Variants in HYPK observed in about 807,000 individuals in gnomAD.
HYPK encodes the protein huntingtin-interacting protein K.
In HYPK, 9 loss-of-function variants were observed where a neutral mutation model predicts 13.9. That is an observed-to-expected ratio of 0.65 (90% CI 0.39 to 1.13). The LOEUF (loss-of-function observed/expected upper bound fraction) is 1.13, where lower values mean the gene tolerates loss of function less well. Among genes scored for constraint, HYPK ranks in the 50% most tolerant of loss-of-function variants. The pLI is 0.01. For synonymous variants in HYPK, 76 were observed against 57.0 expected (o/e 1.33, Z -1.50); for missense variants, 138 against 157.6 (o/e 0.88, Z 0.67).
In HYPK at chr15:43,800,745, T is replaced by C. The variant is rs533828601; in HGVS notation, c.123T>C (p.Tyr41=). 2.1e-5 allele frequency: 34 copies of C among 1,613,752 alleles called. No individual in the cohort carries two copies. The South Asian group carries it at 3.6e-4, about 17-fold the overall frequency. Residue 41 remains tyrosine (Y), a synonymous_variant, in exon 1 of 4, where the codon TAT becomes TAC. Coordinates refer to ENST00000442995, the MANE Select transcript of HYPK (RefSeq NM_016400.4). ...GAADLERVTD[Y]AEEKEIQSSN... ...CGGACTTGGAGCGGGTCACCGACTA[T>C]GCAGAGGAGAAGGAGATCCAGAGTT...
In HYPK at chr15:43,801,183, G is replaced by A; in HGVS notation, c.214G>A (p.Glu72Lys). 6.2e-7 allele frequency: 1 copy of A among 1,613,904 alleles called. No homozygotes were observed. Among genetic ancestry groups the A allele is most frequent in the South Asian group, 1.1e-5 (1 of 91,070 alleles). Residue 72 changes from glutamate (E) to lysine (K), a missense_variant, in exon 2 of 4, where the codon GAG becomes AAG. Glu to Lys is a moderately conservative substitution (Grantham distance 56, BLOSUM62 1). This residue lies in a region of HYPK where 91 missense variants were observed against 96.8 expected (regional missense o/e 0.94). Coordinates refer to ENST00000442995, the MANE Select transcript of HYPK (RefSeq NM_016400.4). The stretch of plus-strand genomic sequence containing the variant: ...GTCCCGGGAGCAGAAAGCCAAACAG[G>A]AGCGGTAAGTCTTCAGGGGCAGCCA... ...RRSREQKAKQ[E>K]REKELAKVTI...
At position 43,800,602 on chromosome 15, in the gene HYPK, C is replaced by T. The variant is rs1489960213; in HGVS notation, c.-21C>T. 3.1e-6 allele frequency: 5 copies of T among 1,613,472 alleles called. 1 individual carries two copies. The highest frequency in any genetic ancestry group is 2.5e-6 in the Non-Finnish European group (3 of 1,179,788). ...AAGTCGGCGTGAGGTGGGGCTTATG[C>T]GGCGGCGTGGTGAAATAGATATGGC... On this transcript the variant is annotated 5_prime_UTR_variant, in exon 1 of 4. Transcript: ENST00000442995.
At position 43,801,809 on chromosome 15, in the gene HYPK, C is replaced by T. The variant is rs1462641642; in HGVS notation, c.*3C>T. On this transcript the variant is annotated 3_prime_UTR_variant, in exon 4 of 4. Coordinates refer to ENST00000442995, the MANE Select transcript of HYPK (RefSeq NM_016400.4). ...CGCTTATTGCCCTAACCAACTGATGCGTGCTTTCTCAAATATACCTACTGG... is the reference window on the plus strand; with the variant it reads ...CGCTTATTGCCCTAACCAACTGATGTGTGCTTTCTCAAATATACCTACTGG... 3.7e-6 allele frequency: 6 copies of T among 1,613,152 alleles called. No homozygotes were observed. Among genetic ancestry groups the T allele is most frequent in the Non-Finnish European group, 5.1e-6 (6 of 1,179,328 alleles).
In HYPK at chr15:43,800,618, T is replaced by G; in HGVS notation, c.-5T>G. ...GGGCTTATGCGGCGGCGTGGTGAAA[T>G]AGATATGGCGACCGAGGGGGATGTG... On this transcript the variant is annotated 5_prime_UTR_variant, in exon 1 of 4. Transcript: ENST00000442995. The G allele has an allele frequency of 1.2e-6, 2 of 1,613,668 alleles. No homozygotes were observed. Among genetic ancestry groups the G allele is most frequent in the Middle Eastern group, 1.6e-4 (1 of 6,062 alleles).
Position 43,801,879 on chromosome 15 carries a change from A to AAAC in HYPK, c.*73_*74insAAC. The AAAC allele has an allele frequency of 8.0e-7, 1 of 1,255,822 alleles. No individual in the cohort carries two copies. The highest frequency in any genetic ancestry group is 1.2e-6 in the Non-Finnish European group (1 of 861,476). 77.8% of individuals were successfully genotyped at this position (1,255,822 alleles called of 1,614,324 possible). ...ATTTTTTTTTGTCTTTTTCAGTTTT[A>AAAC]TCATCTTGGGTCAAGTAGAGTGTAT... is the stretch of plus-strand genomic sequence containing the variant. On this transcript the variant is annotated 3_prime_UTR_variant, in exon 4 of 4. Transcript: ENST00000442995.
rs143593239 is a variant in HYPK, at chr15:43,801,815, T to G, written c.*9T>G. 2,892 of 1,612,286 alleles carry G rather than the reference T, an allele frequency of 1.8e-3. 43 individuals are homozygous for G. The African/African-American group carries it at 0.027, about 15-fold the overall frequency. ...TTGCCCTAACCAACTGATGCGTGCT[T>G]TCTCAAATATACCTACTGGATTAAT... On this transcript the variant is annotated 3_prime_UTR_variant, in exon 4 of 4. Transcript: ENST00000442995.
chr15:43,800,876 T>C (rs2087304595), intron 1 of HYPK, 92 bp downstream of exon 1: 2 of 1,255,446 alleles, frequency 1.6e-6, no homozygotes, highest in Admixed American at 2.4e-5. Flanking sequence ...GACGGGGTTC[T>C]GATCCCGTTG....
chr15:43,802,569 CAAAAAAAAAAAAA>C lies in HYPK; in HGVS notation c.*773_*785del, dbSNP rs34069133. ...TGGGGGAAAGAGTGAAACTCCATCT[CAAAAAAAAAAAAA>C]AAAAAAAAAGCCCGGGCACAGTGGC... On this transcript the variant is annotated 3_prime_UTR_variant, in exon 4 of 4. Transcript: ENST00000442995. The C allele has an allele frequency of 1.4e-4, 4 of 28,972 alleles. No homozygotes were observed. Among genetic ancestry groups the C allele is most frequent in the African/African-American group, 1.8e-4 (1 of 5,646 alleles). The allele number at this position is 28,972 out of a possible 1,614,324, so 1.8% of individuals were successfully genotyped here. A position where few individuals can be genotyped will look rare whatever the true frequency, so the allele number is the denominator to read the frequency against.
chr15:43,800,476 A>G (rs1429513108), upstream of HYPK: 1 of 1,111,978 alleles, frequency 9.0e-7, no homozygotes. Flanking sequence ...TGAGAGACGA[A>G]CCGCCTTCCT....
chr15:43,800,571 T>G (rs1402266653), upstream of HYPK: 1 of 1,611,550 alleles, frequency 6.2e-7, no homozygotes, highest in Non-Finnish European at 8.5e-7. Context: ...CTGTGTCAGT[T>G]GCCGGAAGTC....
Position 43,801,697 on chromosome 15 carries a change from A to AT in HYPK, c.271-7dup, listed in dbSNP as rs746688310. The AT allele has an allele frequency of 1.1e-5, 17 of 1,613,888 alleles. No individual in the cohort carries two copies. Among genetic ancestry groups the AT allele is most frequent in the South Asian group, 8.8e-5 (8 of 91,068 alleles). ...AATGCCTGGGAACCTATGTAACATGATTTTTTTCTGCAGATGACTGAGATG... is the reference window on the plus strand; with the variant it reads ...AATGCCTGGGAACCTATGTAACATGATTTTTTTTCTGCAGATGACTGAGATG... On this transcript the variant is annotated splice_polypyrimidine_tract_variant and intron_variant, in intron 3 of 3. Transcript: ENST00000442995.
rs2087325774 is a variant in HYPK, at chr15:43,802,225, G to GAGTT, written c.*422_*425dup. 6.2e-6 allele frequency: 1 copy of GAGTT among 160,184 alleles called. No individual in the cohort carries two copies. The highest frequency in any genetic ancestry group is 2.4e-5 in the African/African-American group (1 of 41,550). The allele number at this position is 160,184 out of a possible 1,614,324, so 9.9% of individuals were successfully genotyped here. On this transcript the variant is annotated 3_prime_UTR_variant, in exon 4 of 4. Transcript: ENST00000442995. The stretch of plus-strand genomic sequence containing the variant: ...ATGAACCCAGTTCATAGGCCACCTT[G>GAGTT]AGTTAGAATTTTGGTACCTACAACA...
At chr15:43,801,690 T>C (rs759259915) in intron 3 of HYPK, 21 bp from the exon 4 acceptor site, 4 of 1,613,798 alleles carry the variant, frequency 2.5e-6, no homozygotes, top group Non-Finnish European at 3.4e-6. Flanking sequence ...GGAACCTATG[T>C]AACATGATTT....
chr15:43,801,296 T>TG (rs2087312086), intron 2 of HYPK, 109 bp downstream of exon 2: 1 of 1,039,232 alleles, frequency 9.6e-7, no homozygotes, highest in Non-Finnish European at 1.5e-6. Flanking sequence ...TTATCACCAA[T>TG]TCCTGCAGAT....
rs1047136424 is a variant in HYPK at position 43,800,901 on chromosome 15, T to C, written c.162+117T>C. 20 of 1,083,440 alleles carry C rather than the reference T, an allele frequency of 1.8e-5. No homozygotes were observed. The African/African-American group carries it at 3.0e-4, about 16-fold the overall frequency. 67.1% of individuals were successfully genotyped at this position (1,083,440 alleles called of 1,614,324 possible). A position where few individuals can be genotyped will look rare whatever the true frequency, so the allele number is the denominator to read the frequency against. On this transcript the variant is annotated intron_variant, in intron 1 of 3. Coordinates refer to ENST00000442995, the MANE Select transcript of HYPK (RefSeq NM_016400.4). ...TGATCCCGTTGGCAGGAGGAGGCAA[T>C]AGGGTAGAGCCGAGGGAAACAGCGG...
intron 1 of HYPK, 30 bp downstream of exon 1, chr15:43,800,814 G>C (rs1261399932): frequency 6.3e-7 from 1 of 1,577,226 alleles, no homozygotes; most frequent in Non-Finnish European, 8.6e-7. Flanking sequence ...TGTCGGGGCG[G>C]GCTGAGAGCA....
In HYPK at chr15:43,801,983, G is replaced by C. The variant is rs755351269; in HGVS notation, c.*177G>C. ...TGACCCATTAAAATCTAGCACACCT[G>C]TATGAAAAATCAGTGTAGAAGAATA... is the stretch of plus-strand genomic sequence containing the variant. On this transcript the variant is annotated 3_prime_UTR_variant, in exon 4 of 4. Coordinates refer to ENST00000442995, the MANE Select transcript of HYPK (RefSeq NM_016400.4). 4 of 609,660 alleles carry C rather than the reference G, an allele frequency of 6.6e-6. No homozygotes were observed. The highest frequency in any genetic ancestry group is 1.2e-5 in the Non-Finnish European group (4 of 347,398). The allele number at this position is 609,660 out of a possible 1,614,324, so 37.8% of individuals were successfully genotyped here.
Position 43,802,936 on chromosome 15 carries a change from C to CA in HYPK, c.*1130_*1131insA, listed in dbSNP as rs2087335276. 6.7e-6 allele frequency: 1 copy of CA among 148,360 alleles called. No individual in the cohort carries two copies. Among genetic ancestry groups the CA allele is most frequent in the Non-Finnish European group, 1.5e-5 (1 of 67,070 alleles). The allele number at this position is 148,360 out of a possible 1,614,324, so 9.2% of individuals were successfully genotyped here. A position where few individuals can be genotyped will look rare whatever the true frequency, so the allele number is the denominator to read the frequency against. ...AGGCATGGTGGCTCATGCCTGTAATCCCAACACCTTGGGAAGCTGAGGCAA... is the reference window on the plus strand; with the variant it reads ...AGGCATGGTGGCTCATGCCTGTAATCACCAACACCTTGGGAAGCTGAGGCAA... On this transcript the variant is annotated 3_prime_UTR_variant, in exon 4 of 4. Coordinates refer to ENST00000442995, the MANE Select transcript of HYPK (RefSeq NM_016400.4).
chr15:43,802,179 A>C lies in HYPK; in HGVS notation c.*373A>C, dbSNP rs1173055471. 5.0e-6 allele frequency: 1 copy of C among 200,920 alleles called. No homozygotes were observed. Among genetic ancestry groups the C allele is most frequent in the Non-Finnish European group, 1.0e-5 (1 of 96,002 alleles). 12.4% of individuals were successfully genotyped at this position (200,920 alleles called of 1,614,324 possible). On this transcript the variant is annotated 3_prime_UTR_variant, in exon 4 of 4. Coordinates refer to ENST00000442995, the MANE Select transcript of HYPK (RefSeq NM_016400.4). ...CAGCTACCTGCCTAGGAGCCACTAT[A>C]TATATAGATAGATGTAGGTTATGAA...
Sources: allele counts gnomAD v4.1 joint callset, GRCh38; gene constraint gnomAD v4.1.1; regional missense constraint gnomAD v4.1.1; transcripts MANE v1.5; gene names NCBI Gene and HGNC (gene_info 2026-07-23, HGNC 2026-07-21).